The following LHPP variants were observed in gnomAD, a reference collection of about 807,000 sequenced individuals.
LHPP encodes phospholysine phosphohistidine inorganic pyrophosphate phosphatase.
In LHPP, 24 loss-of-function variants were observed where a neutral mutation model predicts 30.3. That is an observed-to-expected ratio of 0.79 (90% confidence interval 0.57 to 1.11). LHPP has a LOEUF of 1.11. Ranked by LOEUF, LHPP falls within the 50% of genes most tolerant of loss-of-function variation. LHPP has a pLI of 0.00. For synonymous variants in LHPP, 150 were observed against 157.1 expected (o/e 0.95, Z 0.34); for missense variants, 356 against 367.2 (o/e 0.97, Z 0.25).
chr10:124,560,310 G>A (rs186064533), intron 6 of LHPP, among the ~76,000 whole-genome samples: 49 of 152,272 alleles, frequency 3.2e-4, no homozygotes, highest in African/African-American at 1.2e-3. Context: ...GTTAACATGT[G>A]GCATATTTCC....
At chr10:124,462,532 C>G (rs898778115) in intron 1 of LHPP, among the ~76,000 whole-genome samples, 1 of 152,210 alleles carries the variant, frequency 6.6e-6, no homozygotes, top group East Asian at 1.9e-4. Context: ...GAGGTCAAGG[C>G]TACAGTGAGC....
At chr10:124,474,200 C>T (rs1215470437) in intron 1 of LHPP, among the ~76,000 whole-genome samples, 4 of 134,538 alleles carry the variant, frequency 3.0e-5, no homozygotes, top group African/African-American at 1.1e-4. Context: ...AGTGCAGTGG[C>T]ACAATCTTGG....
At chr10:124,467,781 T>C (rs1952600005) in intron 1 of LHPP, among the ~76,000 whole-genome samples, 1 of 152,084 alleles carries the variant, frequency 6.6e-6, no homozygotes, top group Non-Finnish European at 1.5e-5. Flanking sequence ...AGTGGTATGA[T>C]CTCGGCTCAC....
At chr10:124,468,195 C>A (rs1952617291) in intron 1 of LHPP, among the ~76,000 whole-genome samples, 1 of 152,194 alleles carries the variant, frequency 6.6e-6, no homozygotes, top group Non-Finnish European at 1.5e-5. Flanking sequence ...GGAAAGGGTT[C>A]TGTTAACTTC....
At chr10:124,561,500 C>T (rs7908284) in intron 6 of LHPP, among the ~76,000 whole-genome samples, 27,497 of 151,838 alleles carry the variant, frequency 0.18, 2,929 homozygotes, top group Non-Finnish European at 0.24. Context: ...AGGACTTCAT[C>T]GCCACTCAGA....
At chr10:124,547,021 G>GCC (rs1955364705) in intron 6 of LHPP, among the ~76,000 whole-genome samples, 1 of 95,526 alleles carries the variant, frequency 1.0e-5, no homozygotes, top group Admixed American at 1.2e-4. Context: ...TTCTTTTTCT[G>GCC]CACACACACA....
Position 124,606,749 on chromosome 10 carries a change from G to T in LHPP, c.717-6515G>T, listed in dbSNP as rs181576410. Among the ~76,000 whole-genome samples, 5 of 152,286 alleles carry T rather than the reference G, an allele frequency of 3.3e-5. No individual in the cohort carries two copies. In the East Asian group the frequency reaches 9.7e-4, roughly 30 times the overall value. On this transcript the variant is annotated intron_variant, in intron 6 of 6. Transcript: ENST00000368842. ...GGCCTGGGGCAGGGGGAGGAGCAGC[G>T]CTGTGACCCCCACGGGGAGCCGTCA...
intron 6 of LHPP, among the ~76,000 whole-genome samples, chr10:124,553,565 TCTC>T (rs1948223639): frequency 6.7e-6 from 1 of 148,466 alleles, no homozygotes; most frequent in Non-Finnish European, 1.5e-5. Flanking sequence ...TTCACGCCAT[TCTC>T]CTGCCTCAGC....
intron 5 of LHPP, among the ~76,000 whole-genome samples, chr10:124,511,672 G>A (rs111778233): frequency 0.017 from 2,615 of 152,250 alleles, 80 homozygotes; most frequent in African/African-American, 0.06. Flanking sequence ...GAAAAGCTCC[G>A]TTTTCAGCTG....
At chr10:124,549,676 G>A (rs2133956707) in intron 6 of LHPP, among the ~76,000 whole-genome samples, 1 of 152,338 alleles carries the variant, frequency 6.6e-6, no homozygotes, top group African/African-American at 2.4e-5. Context: ...GTGGTGATTT[G>A]CAGGACGGGA....
At chr10:124,501,187 A>T (rs1218819685) in intron 5 of LHPP, among the ~76,000 whole-genome samples, 2 of 151,984 alleles carry the variant, frequency 1.3e-5, no homozygotes, top group Non-Finnish European at 2.9e-5. Context: ...TGTATAGCAA[A>T]TGTCTAGAAT....
chr10:124,519,097 AC>A (rs1954538073), intron 6 of LHPP, among the ~76,000 whole-genome samples: 1 of 152,172 alleles, frequency 6.6e-6, no homozygotes, highest in Admixed American at 6.5e-5. Context: ...ACAGGTGTGC[AC>A]CACCACGCCT....
chr10:124,587,277 C>T (rs892708218), intron 6 of LHPP, among the ~76,000 whole-genome samples: 5 of 151,764 alleles, frequency 3.3e-5, no homozygotes, highest in African/African-American at 9.7e-5. Context: ...TCAAGTGATC[C>T]GCCCGCCTCA....
intron 5 of LHPP, 30 bp downstream of exon 5, chr10:124,498,158 G>T: frequency 1.3e-6 from 2 of 1,597,862 alleles, no homozygotes; most frequent in Non-Finnish European, 1.7e-6. Flanking sequence ...AGTGGGTCAG[G>T]GGAGGCAGCC....
chr10:124,561,544 G>A (rs1406901235), intron 6 of LHPP, among the ~76,000 whole-genome samples: 2 of 151,936 alleles, frequency 1.3e-5, no homozygotes, highest in African/African-American at 4.8e-5. Context: ...CCACAACAGT[G>A]ACAATGGAGC....
At chr10:124,500,511 A>AT (rs1384054236) in intron 5 of LHPP, among the ~76,000 whole-genome samples, 2 of 151,838 alleles carry the variant, frequency 1.3e-5, no homozygotes, top group Non-Finnish European at 2.9e-5. Context: ...AAATTTACTT[A>AT]TTTTTTTGCT....
At chr10:124,519,101 C>G (rs1344550055) in intron 6 of LHPP, among the ~76,000 whole-genome samples, 2 of 152,178 alleles carry the variant, frequency 1.3e-5, no homozygotes, top group African/African-American at 4.8e-5. Context: ...GTGTGCACCA[C>G]CACGCCTGGC....
rs1955188351 is a variant in LHPP at position 124,541,504 on chromosome 10, G to T, written c.716+24233G>T. On this transcript the variant is annotated intron_variant, in intron 6 of 6. Transcript: ENST00000368842. This position sits in a 1 kb window ranked among gnomAD's most constrained non-coding sequence, Gnocchi z 4.2. ...GAGTTGCGGCTCATGGCCACCCTGA[G>T]GAATTCCACCTGGGCGTTTGGTGTC... Among the ~76,000 whole-genome samples the T allele has an allele frequency of 6.6e-6, 1 of 152,172 alleles. No individual in the cohort carries two copies. Among genetic ancestry groups the T allele is most frequent in the South Asian group, 2.1e-4 (1 of 4,828 alleles).
chr10:124,489,481 G>A (rs1039108352), intron 3 of LHPP, among the ~76,000 whole-genome samples: 2 of 152,120 alleles, frequency 1.3e-5, no homozygotes, highest in African/African-American at 2.4e-5. Context: ...TTAAGACTGA[G>A]TCTCGCTCTG....
Sources: gnomAD v4.1 joint callset for allele counts (sites outside exome capture counted in the v4.1 genomes callset) on GRCh38, gnomAD v4.1.1 for gene constraint, Gnocchi (gnomAD v3.1) non-coding constraint, MANE v1.5 for transcripts, NCBI Gene and HGNC (gene_info 2026-07-23, HGNC 2026-07-21) for gene names.